IGF1: variants seen among roughly 807,000 people sequenced by gnomAD.
IGF1 encodes insulin-like growth factor 1.
A neutral mutation model predicts 13.8 loss-of-function variants in IGF1; 4 were observed. That is an observed-to-expected ratio of 0.29 (90% CI 0.14 to 0.66). The LOEUF is 0.66. IGF1 is among the 30% of genes least tolerant of loss of function. IGF1 has a pLI of 0.78. For synonymous variants in IGF1, 76 were observed against 72.6 expected, an observed-to-expected ratio of 1.05 and a Z score of -0.23; for missense variants, 124 against 188.5, an observed-to-expected ratio of 0.66 and a Z score of 2.00.
intron 2 of IGF1, among the ~76,000 whole-genome samples, chr12:102,448,698 A>T (rs866511388): frequency 1.9e-4 from 28 of 150,772 alleles, no homozygotes; most frequent in African/African-American, 5.8e-4. Flanking sequence ...ATAAAAAAAA[A>T]AAAAAAAAAA....
chr12:102,442,906 A>G (rs1877992079), intron 2 of IGF1, among the ~76,000 whole-genome samples: 1 of 152,100 alleles, frequency 6.6e-6, no homozygotes, highest in Non-Finnish European at 1.5e-5. Context: ...GCTAGGCACC[A>G]CTGGTTATCT....
At chr12:102,464,890 T>C (rs778675599) in intron 2 of IGF1, among the ~76,000 whole-genome samples, 1 of 152,222 alleles carries the variant, frequency 6.6e-6, no homozygotes, top group Non-Finnish European at 1.5e-5. Context: ...CACCAATAGC[T>C]GACTTGAGAG....
At chr12:102,426,759 C>T (rs1876240341) in intron 2 of IGF1, among the ~76,000 whole-genome samples, 1 of 152,134 alleles carries the variant, frequency 6.6e-6, no homozygotes. Flanking sequence ...TGCTGCAAGG[C>T]CTGGGATGAG....
chr12:102,471,638 A>G (rs1283596203), intron 2 of IGF1, among the ~76,000 whole-genome samples: 2 of 152,350 alleles, frequency 1.3e-5, no homozygotes, highest in Non-Finnish European at 2.9e-5. Flanking sequence ...TACAAAAGCT[A>G]TAAATCCTGA....
At chr12:102,437,662 A>G (rs1183401710) in intron 2 of IGF1, among the ~76,000 whole-genome samples, 1 of 152,200 alleles carries the variant, frequency 6.6e-6, no homozygotes, top group Non-Finnish European at 1.5e-5. Flanking sequence ...AATGGGTACA[A>G]AGTTACAGTT....
chr12:102,464,260 A>G (rs1880137888), intron 2 of IGF1, among the ~76,000 whole-genome samples: 1 of 151,764 alleles, frequency 6.6e-6, no homozygotes, highest in Non-Finnish European at 1.5e-5. Flanking sequence ...TTTTCAGTGG[A>G]GCAGTGGTGA....
intron 3 of IGF1, among the ~76,000 whole-genome samples, chr12:102,413,787 G>T (rs1184037205): frequency 1.3e-5 from 2 of 152,168 alleles, no homozygotes; most frequent in East Asian, 3.8e-4. Context: ...GAGAAAAATG[G>T]TGGTTTTCTG....
chr12:102,425,495 C>T (rs1178272601), intron 2 of IGF1, among the ~76,000 whole-genome samples: 1 of 152,160 alleles, frequency 6.6e-6, no homozygotes, highest in Non-Finnish European at 1.5e-5. Flanking sequence ...ACCCAAAAGA[C>T]CAAAGTCTTC....
chr12:102,456,035 G>A (rs1177320578), intron 2 of IGF1, among the ~76,000 whole-genome samples: 1 of 152,122 alleles, frequency 6.6e-6, no homozygotes, highest in East Asian at 1.9e-4. Context: ...ATTATGCTCA[G>A]TGTTAATATG....
At chr12:102,427,535 C>T (rs1876318173) in intron 2 of IGF1, among the ~76,000 whole-genome samples, 1 of 152,176 alleles carries the variant, frequency 6.6e-6, no homozygotes, top group Non-Finnish European at 1.5e-5. Flanking sequence ...CCCTGCACCC[C>T]ATTAGTCTCC....
chr12:102,471,424 T>C (rs1185748179), intron 2 of IGF1, among the ~76,000 whole-genome samples: 3 of 152,100 alleles, frequency 2.0e-5, no homozygotes, highest in South Asian at 2.1e-4. Context: ...TGGGAGTAGT[T>C]TTCTGGGCAG....
At chr12:102,471,644 C>T (rs1240279377) in intron 2 of IGF1, among the ~76,000 whole-genome samples, 2 of 152,138 alleles carry the variant, frequency 1.3e-5, no homozygotes, top group Non-Finnish European at 2.9e-5. Context: ...AGCTATAAAT[C>T]CTGAAGAGCT....
chr12:102,416,492 A>C (rs550230497), intron 3 of IGF1, among the ~76,000 whole-genome samples: 21 of 152,178 alleles, frequency 1.4e-4, no homozygotes, highest in Non-Finnish European at 2.2e-4. Flanking sequence ...ATTCTTTCTT[A>C]GTTGACCCAC....
At chr12:102,430,245 C>T (rs1876616984) in intron 2 of IGF1, among the ~76,000 whole-genome samples, 1 of 152,188 alleles carries the variant, frequency 6.6e-6, no homozygotes, top group Admixed American at 6.5e-5. Context: ...AGGGCAGCCT[C>T]CATTCTCTCT....
chr12:102,456,156 GT>G (rs1179078511), intron 2 of IGF1, among the ~76,000 whole-genome samples: 1 of 151,750 alleles, frequency 6.6e-6, no homozygotes, highest in Non-Finnish European at 1.5e-5. Context: ...TGAGGAGAAA[GT>G]TTTGCCCCCT....
At chr12:102,443,791 C>T (rs1017182867) in intron 2 of IGF1, among the ~76,000 whole-genome samples, 1 of 151,958 alleles carries the variant, frequency 6.6e-6, no homozygotes, top group African/African-American at 2.4e-5. Context: ...AAACAGGCAA[C>T]CTTGAGGTGC....
chr12:102,471,889 C>T (rs1880708550), intron 2 of IGF1, among the ~76,000 whole-genome samples: 1 of 152,126 alleles, frequency 6.6e-6, no homozygotes, highest in Non-Finnish European at 1.5e-5. Context: ...CCCATAGCAG[C>T]ATGTTAAAAT....
rs1873524827 is a variant in IGF1, at chr12:102,399,765, A to G, written c.*2742T>C. 6.6e-6 allele frequency: 1 copy of G among 152,218 alleles called. No individual in the cohort carries two copies. Among genetic ancestry groups the G allele is most frequent in the African/African-American group, 2.4e-5 (1 of 41,458 alleles). The allele number at this position is 152,218 out of a possible 1,614,324, so 9.4% of individuals were successfully genotyped here. A position where few individuals can be genotyped will look rare whatever the true frequency, so the allele number is the denominator to read the frequency against. Reference sequence around the variant, plus strand: ...ATAAGTCATAGACACTCTTAGAATTATCACATCTAACTATGACAGAAAACA... The same window carrying G: ...ATAAGTCATAGACACTCTTAGAATTGTCACATCTAACTATGACAGAAAACA... On this transcript the variant is annotated 3_prime_UTR_variant, in exon 4 of 4. Coordinates refer to ENST00000337514, the MANE Select transcript of IGF1 (RefSeq NM_000618.5).
chr12:102,413,756 T>C (rs1874842306), intron 3 of IGF1, among the ~76,000 whole-genome samples: 1 of 152,198 alleles, frequency 6.6e-6, no homozygotes, highest in Admixed American at 6.5e-5. Context: ...AAGCACGTAT[T>C]ACACTTAATT....
Sources: allele counts gnomAD v4.1 joint callset (sites outside exome capture counted in the v4.1 genomes callset), GRCh38; gene constraint gnomAD v4.1.1; transcripts MANE v1.5; gene names NCBI Gene and HGNC (gene_info 2026-07-23, HGNC 2026-07-21).